ATAD2B: variants seen among roughly 807,000 people sequenced by gnomAD.
ATAD2B encodes the protein ATPase family AAA domain containing 2B, also known as ATPase family AAA domain-containing protein 2B.
A neutral mutation model predicts 167.6 loss-of-function variants in ATAD2B; 40 were observed. The ratio of observed to expected loss-of-function variants is 0.24; its 90% CI spans 0.19 to 0.31. The LOEUF (loss-of-function observed/expected upper bound fraction) is 0.31, where lower values mean the gene tolerates loss of function less well. ATAD2B is among the 10% of genes least tolerant of loss of function. The probability of loss-of-function intolerance (pLI) is 1.00; values close to 1 mark genes in which losing one functional copy is unlikely to be tolerated. For missense variants in ATAD2B, 1,242 were observed against 1,757.2 expected (o/e 0.71, Z 5.24); for synonymous variants, 579 against 596.5 (o/e 0.97, Z 0.43).
the ATAD2B span, chr2:23,703,898 C>T: frequency 7.2e-6 from 11 of 1,521,526 alleles, no homozygotes; most frequent in South Asian, 2.4e-5. Context: ...AGGGCTGGGA[C>T]GGAGGAGTGG....
At chr2:23,757,250 G>GTA (rs1253600972) in intron 25 of ATAD2B, among the ~76,000 whole-genome samples, 168 bp downstream of exon 25, 1 of 152,154 alleles carries the variant, frequency 6.6e-6, no homozygotes, top group African/African-American at 2.4e-5. Flanking sequence ...GTGTGTGTGT[G>GTA]TACGTGCACA....
chr2:23,805,040 G>A (rs1377159538), intron 18 of ATAD2B, among the ~76,000 whole-genome samples: 1 of 151,748 alleles, frequency 6.6e-6, no homozygotes, highest in African/African-American at 2.4e-5. Flanking sequence ...CTACTCGGGA[G>A]GCTTAGACAG....
chr2:23,856,539 G>C, intron 13 of ATAD2B: 1 of 246,652 alleles, frequency 4.1e-6, no homozygotes, highest in Middle Eastern at 9.2e-4. Flanking sequence ...ATACTCCTGG[G>C]GAGTGAAAAA....
Position 23,884,885 on chromosome 2 carries a change from A to C in ATAD2B, c.676-12T>G. The C allele has an allele frequency of 6.7e-7, 1 of 1,494,062 alleles. No homozygotes were observed. The highest frequency in any genetic ancestry group is 9.1e-7 in the Non-Finnish European group (1 of 1,104,264). The allele number at this position is 1,494,062 out of a possible 1,614,324, so 92.6% of individuals were successfully genotyped here. ...ATATCCATGTTTTCCTTTTAAAGAA[A>C]GAAATCTGTCAAATAGCAACATGAC... On this transcript the variant is annotated splice_polypyrimidine_tract_variant and intron_variant, in intron 5 of 27. Coordinates refer to ENST00000238789, the MANE Select transcript of ATAD2B (RefSeq NM_017552.4).
At chr2:23,862,177 A>G (rs1282172484) in intron 12 of ATAD2B, among the ~76,000 whole-genome samples, 1 of 151,806 alleles carries the variant, frequency 6.6e-6, no homozygotes, top group Non-Finnish European at 1.5e-5. Flanking sequence ...AGCCTGGGTG[A>G]CAGAGCGTGA....
chr2:23,831,061 G>GA (rs900657658), intron 14 of ATAD2B, among the ~76,000 whole-genome samples: 43 of 152,068 alleles, frequency 2.8e-4, no homozygotes, highest in African/African-American at 9.9e-4. Flanking sequence ...ATGGAATGAA[G>GA]AAAAAAATAC....
rs35011854 is a variant in ATAD2B, at chr2:23,813,580, TA to T, written c.2268-3079del. 3.8e-3 allele frequency among the ~76,000 whole-genome samples: 527 copies of T among 138,470 alleles called. 2 individuals are homozygous for T. The highest frequency in any genetic ancestry group is 6.4e-3 in the African/African-American group (241 of 37,866). The allele number at this position is 138,470 out of a possible 152,430, so 90.8% of individuals were successfully genotyped here. ...GCAAAACCCCATCTCTACAAAAAATTAAAAAAAAAAAAAAATTTAGCCAGGT... is the reference window on the plus strand; with the variant it reads ...GCAAAACCCCATCTCTACAAAAAATTAAAAAAAAAAAAAATTTAGCCAGGT... On this transcript the variant is annotated intron_variant, in intron 17 of 27. Coordinates refer to ENST00000238789, the MANE Select transcript of ATAD2B (RefSeq NM_017552.4).
At chr2:23,691,517 C>T in the ATAD2B span, 2 of 621,202 alleles carry the variant, frequency 3.2e-6, no homozygotes, top group South Asian at 3.9e-5. Context: ...CTTTCAGATC[C>T]CGTGTCACAG....
intron 18 of ATAD2B, among the ~76,000 whole-genome samples, chr2:23,806,517 C>CT (rs1359261758): frequency 1.3e-5 from 2 of 152,132 alleles, no homozygotes; most frequent in African/African-American, 4.8e-5. Context: ...CCTAATGACA[C>CT]TTTTTCCTCT....
chr2:23,732,961 C>T, the ATAD2B span, among the ~76,000 whole-genome samples: 2 of 152,186 alleles, frequency 1.3e-5, no homozygotes, highest in African/African-American at 4.8e-5. Flanking sequence ...ACTAGCTCTC[C>T]TCATTAGCAG....
intron 10 of ATAD2B, among the ~76,000 whole-genome samples, chr2:23,867,443 T>C (rs532950125): frequency 2.3e-4 from 35 of 152,368 alleles, no homozygotes; most frequent in African/African-American, 8.4e-4. Flanking sequence ...TCCAGATTAC[T>C]AGACTACAGC....
At chr2:23,876,232 T>C (rs963587524) in intron 7 of ATAD2B, among the ~76,000 whole-genome samples, 6 of 151,146 alleles carry the variant, frequency 4.0e-5, no homozygotes, top group African/African-American at 7.3e-5. Flanking sequence ...GACCTCATCA[T>C]CCGCCCACCT....
At chr2:23,686,287 C>G in the ATAD2B span, among the ~76,000 whole-genome samples, 1 of 151,936 alleles carries the variant, frequency 6.6e-6, no homozygotes, top group Admixed American at 6.6e-5. Flanking sequence ...GGAAGGAGAA[C>G]AGTAGGATGT....
chr2:23,891,183 G>C (rs998296430), intron 2 of ATAD2B, among the ~76,000 whole-genome samples: 1 of 151,922 alleles, frequency 6.6e-6, no homozygotes, highest in African/African-American at 2.4e-5. Flanking sequence ...ATCATGCCCA[G>C]CTAATTTTTG....
intron 25 of ATAD2B, among the ~76,000 whole-genome samples, chr2:23,755,925 G>A (rs1190195111): frequency 1.3e-5 from 2 of 152,106 alleles, no homozygotes; most frequent in Non-Finnish European, 2.9e-5. Context: ...CTAGAGGCCT[G>A]AAAACTCAGA....
intron 18 of ATAD2B, among the ~76,000 whole-genome samples, chr2:23,808,057 CTA>C (rs1285003615): frequency 8.7e-5 from 1 of 11,556 alleles, no homozygotes; most frequent in African/African-American, 2.8e-4. Context: ...ATATAAGTAA[CTA>C]TAAATTATAA....
intron 18 of ATAD2B, among the ~76,000 whole-genome samples, chr2:23,805,931 C>T (rs926390195): frequency 6.6e-6 from 1 of 151,614 alleles, no homozygotes; most frequent in Non-Finnish European, 1.5e-5. Flanking sequence ...TATTAGATTG[C>T]TATTCTTTCT....
intron 8 of ATAD2B, chr2:23,872,255 G>A: frequency 4.5e-6 from 2 of 443,382 alleles, no homozygotes; most frequent in South Asian, 3.8e-5. Flanking sequence ...CACGATCATA[G>A]CTAAGAGCAG....
At chr2:23,924,870 A>T (rs1704484844) in intron 1 of ATAD2B, among the ~76,000 whole-genome samples, 1 of 152,176 alleles carries the variant, frequency 6.6e-6, no homozygotes. Flanking sequence ...CTGCTTGACA[A>T]ATTACCTCAC....
Sources: gnomAD v4.1 joint callset for allele counts (sites outside exome capture counted in the v4.1 genomes callset) on GRCh38, gnomAD v4.1.1 for gene constraint, MANE v1.5 for transcripts, NCBI Gene and HGNC (gene_info 2026-07-23, HGNC 2026-07-21) for gene names.